The following NSUN2 variants were observed in gnomAD, a reference collection of about 807,000 sequenced individuals.
NSUN2 encodes the protein NOP2/Sun RNA methyltransferase 2, also known as RNA cytosine C(5)-methyltransferase NSUN2.
In NSUN2, 63 loss-of-function variants were observed where a neutral mutation model predicts 92.7. The ratio of observed to expected loss-of-function variants is 0.68; its 90% CI spans 0.56 to 0.84. The LOEUF (loss-of-function observed/expected upper bound fraction) is 0.84. Ranked by LOEUF, NSUN2 falls within the 40% of genes least tolerant of loss-of-function variation. The pLI is 0.00. For synonymous variants in NSUN2, 356 were observed against 348.3 expected (o/e 1.02, Z -0.25); for missense variants, 989 against 964.9 (o/e 1.02, Z -0.33).
chr5:6,626,326 ATTTT>A (rs1455033487), intron 3 of NSUN2, among the ~76,000 whole-genome samples: 1 of 150,822 alleles, frequency 6.6e-6, no homozygotes, highest in Admixed American at 6.6e-5. Flanking sequence ...TGTTATTTTT[ATTTT>A]TTTTATTTTT....
Position 6,617,956 on chromosome 5 carries a change from AG to A in NSUN2, c.883del (p.Leu295TyrfsTer29). ...KKWTTLNSLQ[L>X]HGLQLRIATR... is the part of the protein sequence containing the mutation. Reference sequence around the variant, plus strand: ...GTGATGAAGTTTTACTTACCCATGTAGCTGCAAGCTATTTAAGGTGGTCCAC... The same window carrying A: ...GTGATGAAGTTTTACTTACCCATGTACTGCAAGCTATTTAAGGTGGTCCAC... On this transcript the variant is annotated frameshift_variant, in exon 8 of 19. Transcript: ENST00000264670. LOFTEE classifies it high-confidence loss of function. 6.2e-7 allele frequency: 1 copy of A among 1,612,622 alleles called. No individual in the cohort carries two copies. Among genetic ancestry groups the A allele is most frequent in the South Asian group, 1.1e-5 (1 of 91,028 alleles).
intron 3 of NSUN2, among the ~76,000 whole-genome samples, chr5:6,629,407 C>G (rs951718758): frequency 6.6e-6 from 1 of 152,178 alleles, no homozygotes; most frequent in South Asian, 2.1e-4. Context: ...TTTGTTGGAG[C>G]CTGCAGAAGA....
chr5:6,618,039 T>G lies in NSUN2; in HGVS notation c.816-15A>C. The G allele has an allele frequency of 1.9e-6, 3 of 1,598,860 alleles. No individual in the cohort carries two copies. The highest frequency in any genetic ancestry group is 2.6e-6 in the Non-Finnish European group (3 of 1,166,474). ...TGCCGTCTCCACTGGAAAAAAGATA[T>G]TTATGAGTGCAAAGCTCCCTACAGG... On this transcript the variant is annotated splice_polypyrimidine_tract_variant and intron_variant, in intron 7 of 18. Transcript: ENST00000264670.
intron 3 of NSUN2, among the ~76,000 whole-genome samples, chr5:6,629,481 C>T (rs1737783011): frequency 6.6e-6 from 1 of 152,200 alleles, no homozygotes; most frequent in Admixed American, 6.5e-5. Flanking sequence ...CTGAAACGTT[C>T]CTCCTGGACA....
In NSUN2 at chr5:6,600,115, C is replaced by G. The variant is rs757252698; in HGVS notation, c.2115G>C (p.Glu705Asp). 1.9e-6 allele frequency: 3 copies of G among 1,614,178 alleles called. No homozygotes were observed. The highest frequency in any genetic ancestry group is 2.2e-5 in the East Asian group (1 of 44,888). Reference protein sequence around the residue: ...RLHYLRMMGLEVLGEKKKEGV... With the variant: ...RLHYLRMMGLDVLGEKKKEGV... ...CTTCCTTCTTCTTTTCTCCCAATACCTCCAGCCCCATCATCCTGAGATAAT... is the reference window on the plus strand; with the variant it reads ...CTTCCTTCTTCTTTTCTCCCAATACGTCCAGCCCCATCATCCTGAGATAAT... The change falls in exon 19 of 19, where the codon GAG becomes GAC. Residue 705 changes from glutamate to aspartate, a missense_variant. By Grantham distance (45) the Glu-to-Asp change is conservative. Transcript: ENST00000264670.
chr5:6,609,282 T>A (rs368271617), intron 12 of NSUN2, among the ~76,000 whole-genome samples: 2 of 152,162 alleles, frequency 1.3e-5, no homozygotes, highest in African/African-American at 4.8e-5. Flanking sequence ...CGTGTTAGGA[T>A]GAGGGCAACA....
Position 6,607,318 on chromosome 5 carries a change from TC to T in NSUN2, c.1389del (p.Lys464AsnfsTer21), listed in dbSNP as rs777732825. ...TQLSPADLTE[G>X]KPTDPSKLES... ...TCCAGCTTAGAGGGATCTGTGGGTT[TC>T]CCTTCTGTGAGATCTGCAGGGCTCA... On this transcript the variant is annotated frameshift_variant, in exon 13 of 19. Transcript: ENST00000264670. LOFTEE classifies it high-confidence loss of function. 1 of 1,614,210 alleles carries T rather than the reference TC, an allele frequency of 6.2e-7. No homozygotes were observed. The highest frequency in any genetic ancestry group is 2.2e-5 in the East Asian group (1 of 44,882).
chr5:6,607,305 GGATCTGTGGGTTTCCCTTCTGTGA>G lies in NSUN2; in HGVS notation c.1379_1402del (p.Leu460_Asp467del), dbSNP rs1258573269. The G allele has an allele frequency of 6.8e-6, 11 of 1,614,050 alleles. No homozygotes were observed. The highest frequency in any genetic ancestry group is 9.3e-6 in the Non-Finnish European group (11 of 1,180,030). On this transcript the variant is annotated inframe_deletion, in exon 13 of 19. Transcript: ENST00000264670. ...GAATGACGGACTTTCCAGCTTAGAG[GGATCTGTGGGTTTCCCTTCTGTGA>G]GATCTGCAGGGCTCAGCTGTGTGCT...
At chr5:6,612,338 C>T (rs1737031944) in intron 9 of NSUN2, among the ~76,000 whole-genome samples, 1 of 152,202 alleles carries the variant, frequency 6.6e-6, no homozygotes, top group African/African-American at 2.4e-5. Context: ...CAGAGCAATG[C>T]TGAAAATGAA....
Position 6,607,233 on chromosome 5 carries a change from T to C in NSUN2, c.1475A>G (p.Glu492Gly), listed in dbSNP as rs765608565. ...TEIAHATEDL[E>G]NNGSKKDGVC... ...GCCATCTTTCTTACTGCCATTATTC[T>C]CTAAATCCTCAGTTGCATGAGCTAT... The change falls in exon 13 of 19, where the codon GAG becomes GGG. Residue 492 changes from glutamate (E) to glycine (G), a missense_variant. Glu to Gly is a moderately conservative substitution (Grantham distance 98, BLOSUM62 -2). Around this residue, in one of 3 missense-constraint regions of NSUN2, gnomAD observed 626 missense variants for 602.3 expected, o/e 1.04. Transcript: ENST00000264670. The C allele has an allele frequency of 5.6e-6, 9 of 1,614,224 alleles. No individual in the cohort carries two copies. The highest frequency in any genetic ancestry group is 1.6e-4 in the Middle Eastern group (1 of 6,062).
At position 6,610,945 on chromosome 5, in the gene NSUN2, A is replaced by G; in HGVS notation, c.1226+10T>C. On this transcript the variant is annotated intron_variant, in intron 11 of 18. Transcript: ENST00000264670. The stretch of plus-strand genomic sequence containing the variant: ...CCCCCTCCCCACACCTGGAGGCCCC[A>G]CCAGCTCACCATCGCTCCAGGTGCA... 1.2e-6 allele frequency: 2 copies of G among 1,613,766 alleles called. No individual in the cohort carries two copies. The highest frequency in any genetic ancestry group is 1.7e-6 in the Non-Finnish European group (2 of 1,179,854).
At chr5:6,632,284 A>G (rs1421429733) in intron 2 of NSUN2, among the ~76,000 whole-genome samples, 1 of 152,154 alleles carries the variant, frequency 6.6e-6, no homozygotes, top group Non-Finnish European at 1.5e-5. Flanking sequence ...GGGGAGAACC[A>G]AGGGGTTTTA....
chr5:6,622,022 A>C lies in NSUN2; in HGVS notation c.616T>G (p.Phe206Val). The C allele has an allele frequency of 6.2e-7, 1 of 1,613,630 alleles. No homozygotes were observed. Among genetic ancestry groups the C allele is most frequent in the Non-Finnish European group, 8.5e-7 (1 of 1,179,506 alleles). ...ACACAAGTCCAATGCATACCTGGAA[A>C]GGGGACATTCATGTCGGCATGTAGC... ...EMLHADMNVPFPEGFVIANDV... is the reference protein window; with the variant it reads ...EMLHADMNVPVPEGFVIANDV... Residue 206 changes from phenylalanine to valine, a missense_variant, in exon 6 of 19, where the codon TTT (phenylalanine) becomes GTT (valine). By Grantham distance (50) the Phe-to-Val change is conservative. This residue lies in a region of NSUN2 where 356 missense variants were observed against 338.6 expected (regional missense o/e 1.05). Coordinates refer to ENST00000264670, the MANE Select transcript of NSUN2 (RefSeq NM_017755.6).
chr5:6,612,305 G>A (rs547729442), intron 9 of NSUN2, among the ~76,000 whole-genome samples: 3 of 152,074 alleles, frequency 2.0e-5, no homozygotes, highest in South Asian at 2.1e-4. Flanking sequence ...AGGTCTTCAC[G>A]CAGGCATGTC....
chr5:6,613,224 A>G (rs1340664188), intron 9 of NSUN2, among the ~76,000 whole-genome samples: 1 of 152,268 alleles, frequency 6.6e-6, no homozygotes, highest in Non-Finnish European at 1.5e-5. Flanking sequence ...ACTATGACAT[A>G]TTGGAATGTT....
Position 6,600,207 on chromosome 5 carries a change from T to C in NSUN2, c.2023A>G (p.Ile675Val). The change falls in exon 19 of 19, where the codon ATC becomes GTC. Residue 675 changes from isoleucine (I) to valine (V), a missense_variant. By Grantham distance (29) the Ile-to-Val change is conservative. Transcript: ENST00000264670. ...SANPDALQCP[I>V]VLCGWRGKAS... ...TTTCCCCGCCATCCGCATAAGACGA[T>C]GGGACACTGCAGAGCGTCTGGATTC... 4 of 1,614,192 alleles carry C rather than the reference T, an allele frequency of 2.5e-6. No homozygotes were observed. Among genetic ancestry groups the C allele is most frequent in the East Asian group, 2.2e-5 (1 of 44,888 alleles).
chr5:6,623,044 G>GA (rs111573762), intron 5 of NSUN2, among the ~76,000 whole-genome samples, 170 bp downstream of exon 5: 194 of 72,956 alleles, frequency 2.7e-3, no homozygotes, highest in East Asian at 0.013. Flanking sequence ...GGACAAAAAA[G>GA]AAAAAAAAAA....
chr5:6,604,428 CT>C lies in NSUN2; in HGVS notation c.1819-153del, dbSNP rs555676587. The C allele has an allele frequency of 6.2e-4, 541 of 877,694 alleles. 2 individuals carry two copies. The highest frequency in any genetic ancestry group is 3.9e-3 in the South Asian group (232 of 60,046). The allele number at this position is 877,694 out of a possible 1,614,324, so 54.4% of individuals were successfully genotyped here. ...GGACAGGTGTGGAACCCACCCCCCC[CT>C]AGGAGGGGAAACCAGCACTCTGGGA... On this transcript the variant is annotated intron_variant, in intron 16 of 18. Coordinates refer to ENST00000264670, the MANE Select transcript of NSUN2 (RefSeq NM_017755.6).
At position 6,602,446 on chromosome 5, in the gene NSUN2, C is replaced by A. The variant is rs62332889; in HGVS notation, c.1997+15G>T. ...AAGGCGTGTGTGTCTAAGGGCAGGGCGTGTACTGACTTACGCAGAATCTGG... is the reference window on the plus strand; with the variant it reads ...AAGGCGTGTGTGTCTAAGGGCAGGGAGTGTACTGACTTACGCAGAATCTGG... On this transcript the variant is annotated intron_variant, in intron 18 of 18. Transcript: ENST00000264670. 316 of 1,613,094 alleles carry A rather than the reference C, an allele frequency of 2.0e-4. No homozygotes were observed. The African/African-American group carries it at 3.6e-3, about 19-fold the overall frequency.
Sources: gnomAD v4.1 joint callset for allele counts (sites outside exome capture counted in the v4.1 genomes callset) on GRCh38, gnomAD v4.1.1 for gene constraint, gnomAD v4.1.1 regional missense constraint, MANE v1.5 for transcripts, NCBI Gene and HGNC (gene_info 2026-07-23, HGNC 2026-07-21) for gene names.